ADCY2: variants seen among roughly 807,000 people sequenced by gnomAD.
The protein encoded by ADCY2 is adenylate cyclase 2, also known as adenylate cyclase type 2.
Under a neutral mutation model 125.2 loss-of-function variants are expected in ADCY2, and 31 were observed. The observed-to-expected ratio is 0.25, with a 90% CI of 0.19 to 0.33. The LOEUF is 0.33. ADCY2 is among the 10% of genes least tolerant of loss of function. The pLI is 1.00. For synonymous variants in ADCY2, 512 were observed against 548.4 expected, an observed-to-expected ratio of 0.93 and a Z score of 0.93; for missense variants, 904 against 1,418.2, an observed-to-expected ratio of 0.64 and a Z score of 5.82.
chr5:7,727,336 G>A, intron 14 of ADCY2, 75 bp downstream of exon 14: 1 of 1,210,416 alleles, frequency 8.3e-7, no homozygotes, highest in Admixed American at 1.8e-5. Context: ...ATTTAAAGGT[G>A]TGAAAGGATG....
At chr5:7,806,176 TG>T (rs200103074) in intron 22 of ADCY2, among the ~76,000 whole-genome samples, 2,566 of 152,302 alleles carry the variant, frequency 0.017, 35 homozygotes, top group Non-Finnish European at 0.023. Flanking sequence ...GATATTAAAA[TG>T]TACAACATTC....
At position 7,818,982 on chromosome 5, in the gene ADCY2, C is replaced by T. The variant is rs565137989; in HGVS notation, c.2999-1583C>T. 7.9e-5 allele frequency among the ~76,000 whole-genome samples: 12 copies of T among 152,248 alleles called. No individual in the cohort carries two copies. In the East Asian group the frequency reaches 9.7e-4, roughly 12 times the overall value. On this transcript the variant is annotated intron_variant, in intron 23 of 24. Transcript: ENST00000338316. ...CACAAGGCGAGGTCCCACATTAGGC[C>T]GTCTGCAAGCCGAGGAGCAAGGAAG...
At position 7,766,818 on chromosome 5, in the gene ADCY2, G is replaced by C; in HGVS notation, c.2214+12G>C. On this transcript the variant is annotated intron_variant, in intron 17 of 24. Transcript: ENST00000338316. The stretch of plus-strand genomic sequence containing the variant: ...TATTTTTCCTCCCGGTAAGAACATT[G>C]CAATTATGACTGCTTTGGTGGCTCT... 2.5e-6 allele frequency: 4 copies of C among 1,606,676 alleles called. No homozygotes were observed. In the African/African-American group the frequency reaches 5.4e-5, roughly 22 times the overall value.
intron 3 of ADCY2, among the ~76,000 whole-genome samples, chr5:7,614,763 G>A (rs542819660): frequency 2.0e-5 from 3 of 152,330 alleles, no homozygotes; most frequent in African/African-American, 7.2e-5. Flanking sequence ...GATTGAGGCT[G>A]TAACAGCCCC....
intron 3 of ADCY2, among the ~76,000 whole-genome samples, chr5:7,586,212 G>A (rs143483945): frequency 9.1e-4 from 138 of 152,136 alleles, no homozygotes; most frequent in African/African-American, 2.9e-3. Flanking sequence ...TATTTATCTC[G>A]TTTTCCTTTT....
intron 19 of ADCY2, among the ~76,000 whole-genome samples, chr5:7,785,796 A>G (rs1232585589): frequency 6.6e-6 from 1 of 152,164 alleles, no homozygotes; most frequent in African/African-American, 2.4e-5. Flanking sequence ...TGCTAGAATC[A>G]TCTCTCAGAT....
intron 2 of ADCY2, among the ~76,000 whole-genome samples, chr5:7,491,780 T>C (rs770716978): frequency 4.6e-5 from 7 of 152,332 alleles, no homozygotes; most frequent in Non-Finnish European, 8.8e-5. Flanking sequence ...TTTATCTTTC[T>C]TTAATGATTA....
intron 4 of ADCY2, among the ~76,000 whole-genome samples, chr5:7,633,878 G>C (rs1432478810): frequency 6.6e-6 from 1 of 152,152 alleles, no homozygotes; most frequent in East Asian, 1.9e-4. Flanking sequence ...GTACTTTGAT[G>C]CTGGTAAGAA....
chr5:7,610,956 C>G (rs1210144318), intron 3 of ADCY2, among the ~76,000 whole-genome samples: 2 of 152,178 alleles, frequency 1.3e-5, no homozygotes, highest in African/African-American at 4.8e-5. Flanking sequence ...ATTCTGATGC[C>G]AGGCATGGTT....
chr5:7,802,187 A>G lies in ADCY2; in HGVS notation c.2629-31A>G. On this transcript the variant is annotated intron_variant, in intron 20 of 24. Coordinates refer to ENST00000338316, the MANE Select transcript of ADCY2 (RefSeq NM_020546.3). This position sits in a 1 kb window ranked among gnomAD's most constrained non-coding sequence, Gnocchi z 4.6. Reference sequence around the variant, plus strand: ...GTTTCTGTTTAAAGGTCAGTCTCCTAGTGATCAGCTCTTGCTTTTCTCCCA... The same window carrying G: ...GTTTCTGTTTAAAGGTCAGTCTCCTGGTGATCAGCTCTTGCTTTTCTCCCA... 6.2e-7 allele frequency: 1 copy of G among 1,610,212 alleles called. No individual in the cohort carries two copies. The highest frequency in any genetic ancestry group is 8.5e-7 in the Non-Finnish European group (1 of 1,178,682).
intron 2 of ADCY2, among the ~76,000 whole-genome samples, chr5:7,430,326 C>T (rs1399473041): frequency 2.0e-5 from 3 of 151,776 alleles, no homozygotes; most frequent in Non-Finnish European, 4.4e-5. Context: ...CAAAATAGAA[C>T]AGGAAGCATT....
chr5:7,679,750 G>T lies in ADCY2; in HGVS notation c.721-10941G>T, dbSNP rs116102270. ...CGGAGGGACAGCTTTTGGAGGGAAG[G>T]TGACAGTTTCCATTTGCAAACAGCT... On this transcript the variant is annotated intron_variant, in intron 4 of 24. Coordinates refer to ENST00000338316, the MANE Select transcript of ADCY2 (RefSeq NM_020546.3). Among the ~76,000 whole-genome samples, 257 of 152,312 alleles carry T rather than the reference G, an allele frequency of 1.7e-3. 1 individual carries two copies. Among genetic ancestry groups the T allele is most frequent in the African/African-American group, 5.4e-3 (226 of 41,564 alleles).
intron 2 of ADCY2, among the ~76,000 whole-genome samples, chr5:7,445,964 A>C (rs1741236011): frequency 6.6e-6 from 1 of 152,094 alleles, no homozygotes; most frequent in African/African-American, 2.4e-5. Flanking sequence ...TGGTGCTTCT[A>C]ATTGCTTTCT....
At chr5:7,415,930 C>G (rs2126334896) in intron 2 of ADCY2, among the ~76,000 whole-genome samples, 2 of 152,054 alleles carry the variant, frequency 1.3e-5, no homozygotes. Flanking sequence ...GCTGAGAGGG[C>G]TGTCGCAGGG....
At chr5:7,498,239 G>GT (rs910360437) in intron 2 of ADCY2, among the ~76,000 whole-genome samples, 8,925 of 62,128 alleles carry the variant, frequency 0.14, 1,876 homozygotes, top group East Asian at 0.22. Flanking sequence ...TTCTTTTTTC[G>GT]TTTTTTTTTT....
intron 18 of ADCY2, among the ~76,000 whole-genome samples, chr5:7,775,857 T>C (rs182531903): frequency 1.3e-5 from 2 of 152,332 alleles, no homozygotes; most frequent in Admixed American, 1.3e-4. Flanking sequence ...ATCAGAAGCA[T>C]CTTCAATGGA....
At chr5:7,484,237 C>T (rs1467940579) in intron 2 of ADCY2, among the ~76,000 whole-genome samples, 2 of 152,040 alleles carry the variant, frequency 1.3e-5, no homozygotes, top group East Asian at 1.9e-4. Context: ...AAGTGACCAG[C>T]TAAATAAACA....
intron 20 of ADCY2, chr5:7,794,439 A>G (rs537184149): frequency 6.6e-6 from 1 of 152,400 alleles, no homozygotes; most frequent in South Asian, 2.1e-4. Flanking sequence ...TTGCGGGAAC[A>G]GTGAGTGTGG....
chr5:7,673,259 A>T (rs1270638263), intron 4 of ADCY2, among the ~76,000 whole-genome samples: 53 of 8,926 alleles, frequency 5.9e-3, no homozygotes, highest in East Asian at 0.034. Flanking sequence ...AAAAAAAAAA[A>T]AAAAAAAAAA....
Sources: allele counts gnomAD v4.1 joint callset (sites outside exome capture counted in the v4.1 genomes callset), GRCh38; gene constraint gnomAD v4.1.1; non-coding constraint Gnocchi (gnomAD v3.1); transcripts MANE v1.5; gene names NCBI Gene and HGNC (gene_info 2026-07-23, HGNC 2026-07-21).